The following CFAP74 variants were observed in gnomAD, a reference collection of about 807,000 sequenced individuals.
The protein encoded by CFAP74 is cilia and flagella associated protein 74, also known as cilia- and flagella-associated protein 74.
A neutral mutation model predicts 188.9 loss-of-function variants in CFAP74; 124 were observed. The ratio of observed to expected loss-of-function variants is 0.66; its 90% CI spans 0.57 to 0.76. The LOEUF is 0.76. Among genes scored for constraint, CFAP74 ranks in the 30% least tolerant of loss-of-function variants. The probability of loss-of-function intolerance (pLI) is 0.00; values close to 1 mark genes in which losing one functional copy is unlikely to be tolerated. For synonymous variants in CFAP74, 956 were observed against 916.7 expected (o/e 1.04, Z -0.77); for missense variants, 2,198 against 2,165.2 (o/e 1.02, Z -0.30).
chr1:1,927,446 G>A, intron 28 of CFAP74, 161 bp downstream of exon 28: 1 of 710,402 alleles, frequency 1.4e-6, no homozygotes, highest in Non-Finnish European at 2.3e-6. Flanking sequence ...TAGGTCCCAG[G>A]AAGGCAGCAC....
rs1653608619 is a variant in CFAP74, at chr1:1,944,411, G to T, written c.2406C>A (p.Val802=). ...GGTCCACGCTGGGCTTCGGCACCCA[G>T]ACCGGCACATCGATGGCCACGCCCA... ...RVVGVAIDVP[V]WVPKPSVDLK... is the part of the protein sequence containing the mutation. Residue 802 remains valine, a synonymous_variant, in exon 21 of 39, where the codon GTC becomes GTA. Transcript: ENST00000682832. 1.3e-6 allele frequency: 2 copies of T among 1,536,120 alleles called. No individual in the cohort carries two copies. Among genetic ancestry groups the T allele is most frequent in the South Asian group, 1.2e-5 (1 of 84,064 alleles).
At chr1:1,943,480 C>T (rs2102048670) in intron 21 of CFAP74, among the ~76,000 whole-genome samples, 1 of 152,366 alleles carries the variant, frequency 6.6e-6, no homozygotes. Flanking sequence ...GCCTCTGTGT[C>T]CGCACACCCT....
At chr1:1,955,128 AGGGCGTGCG>A in intron 18 of CFAP74, 2 of 1,197,830 alleles carry the variant, frequency 1.7e-6, no homozygotes, top group South Asian at 2.7e-5. Context: ...GCTGAGCTGC[AGGGCGTGCG>A]GAACGCGCAC....
At chr1:1,958,248 G>A (rs1387384307) in intron 16 of CFAP74, among the ~76,000 whole-genome samples, 1 of 152,348 alleles carries the variant, frequency 6.6e-6, no homozygotes, top group East Asian at 1.9e-4. Context: ...GACATAGCGC[G>A]CCTCTGCCCT....
rs959915842 is a variant in CFAP74, at chr1:1,946,878, C to T, written c.2241+112G>A. The T allele has an allele frequency of 2.0e-5, 17 of 836,512 alleles. No homozygotes were observed. The East Asian group carries it at 2.1e-4, about 10-fold the overall frequency. The allele number at this position is 836,512 out of a possible 1,614,324, so 51.8% of individuals were successfully genotyped here. Reference sequence around the variant, plus strand: ...AAAGTCTGGCCTGTCTCTGGTCAAACGCAAGGGCCACCTAGCAGTGAGGGC... The same window carrying T: ...AAAGTCTGGCCTGTCTCTGGTCAAATGCAAGGGCCACCTAGCAGTGAGGGC... On this transcript the variant is annotated intron_variant, in intron 19 of 38. Coordinates refer to ENST00000682832, the MANE Select transcript of CFAP74 (RefSeq NM_001304360.2).
In CFAP74 at chr1:1,970,779, T is replaced by G. The variant is rs773977492; in HGVS notation, c.926A>C (p.Lys309Thr). The stretch of plus-strand genomic sequence containing the variant: ...GACCCTCTGCTCCGCCAGCTCTGCC[T>G]TGGCACGGTCCCATGCTTGGAACTT... The part of the protein sequence containing the change: ...LRKFQAWDRA[K>T]AELAEQRVQA... The change falls in exon 10 of 39, where the codon AAG (lysine) becomes ACG (threonine). Residue 309 changes from lysine (K) to threonine (T), a missense_variant. Coordinates refer to ENST00000682832, the MANE Select transcript of CFAP74 (RefSeq NM_001304360.2). 9.9e-6 allele frequency: 16 copies of G among 1,614,044 alleles called. No homozygotes were observed. The East Asian group carries it at 3.3e-4, about 34-fold the overall frequency.
chr1:1,934,564 CGTGTGT>C (rs1652693994), intron 25 of CFAP74, among the ~76,000 whole-genome samples: 1 of 127,342 alleles, frequency 7.9e-6, no homozygotes. Flanking sequence ...TAGGTACACA[CGTGTGT>C]ACGTGGGTGT....
intron 6 of CFAP74, 134 bp from the exon 7 acceptor site, chr1:1,974,332 G>T: frequency 1.3e-6 from 1 of 777,260 alleles, no homozygotes; most frequent in East Asian, 3.1e-5. Context: ...TCCTCTAGGG[G>T]CCATCTCCGC....
chr1:1,993,509 C>G lies in CFAP74; in HGVS notation c.-19-2534G>C, dbSNP rs184797275. 1.6e-4 allele frequency among the ~76,000 whole-genome samples: 25 copies of G among 151,806 alleles called. No individual in the cohort carries two copies. In the East Asian group the frequency reaches 4.8e-3, roughly 29 times the overall value. On this transcript the variant is annotated intron_variant, in intron 1 of 38. Coordinates refer to ENST00000682832, the MANE Select transcript of CFAP74 (RefSeq NM_001304360.2). ...CCATGTTGCCCAGGCTGGTCTCAAA[C>G]TTTTGGGATCAAGTGATCCACCTGC...
rs745696461 is a variant in CFAP74, at chr1:1,922,996, A to T, written c.4672T>A (p.Ser1558Thr). ...AGTGCTGTGGGCACCTTCTTTGGAGATGGCTGGGTGGTCCGGATACAGCCC... is the reference window on the plus strand; with the variant it reads ...AGTGCTGTGGGCACCTTCTTTGGAGTTGGCTGGGTGGTCCGGATACAGCCC... The part of the protein sequence containing the change: ...QVGCIRTTQP[S>T]PKKTVEFSID... The change falls in exon 37 of 39, where the codon TCT becomes ACT. Residue 1558 changes from serine to threonine, a missense_variant. Coordinates refer to ENST00000682832, the MANE Select transcript of CFAP74 (RefSeq NM_001304360.2). 6.3e-7 allele frequency: 1 copy of T among 1,579,370 alleles called. No homozygotes were observed. Among genetic ancestry groups the T allele is most frequent in the Non-Finnish European group, 8.6e-7 (1 of 1,166,564 alleles).
At chr1:1,976,577 C>G (rs1656459671) in intron 6 of CFAP74, among the ~76,000 whole-genome samples, 1 of 152,152 alleles carries the variant, frequency 6.6e-6, no homozygotes, top group East Asian at 1.9e-4. Context: ...GAGTCTTGCT[C>G]TCTCCGCCAG....
chr1:2,003,189 A>G (rs576507048), intron 1 of CFAP74, among the ~76,000 whole-genome samples: 4 of 152,314 alleles, frequency 2.6e-5, no homozygotes, highest in Admixed American at 6.5e-5. Flanking sequence ...TATGCAGAGA[A>G]TATCAGTCCA....
intron 1 of CFAP74, among the ~76,000 whole-genome samples, chr1:1,993,149 C>G (rs551069024): frequency 7.0e-6 from 1 of 143,632 alleles, no homozygotes; most frequent in African/African-American, 2.6e-5. Flanking sequence ...TGCAGTGAGC[C>G]GAGATCACGC....
intron 6 of CFAP74, among the ~76,000 whole-genome samples, chr1:1,976,855 C>CA (rs1553231563): frequency 1.4e-5 from 2 of 147,020 alleles, no homozygotes; most frequent in Non-Finnish European, 3.0e-5. Context: ...AACCTCTTTT[C>CA]TTTTTTTTTT....
intron 6 of CFAP74, among the ~76,000 whole-genome samples, chr1:1,981,993 C>A (rs6694636): frequency 1.4e-5 from 2 of 143,256 alleles, no homozygotes; most frequent in African/African-American, 2.7e-5. Flanking sequence ...CGCAGGACAC[C>A]CAGCCGTGGA....
chr1:1,960,116 G>A (rs751849209), intron 14 of CFAP74, 86 bp from the exon 15 acceptor site: 65 of 1,116,914 alleles, frequency 5.8e-5, no homozygotes, highest in Non-Finnish European at 3.9e-6. Flanking sequence ...GTCAGGCTGG[G>A]CCTCCTGGCC....
intron 14 of CFAP74, among the ~76,000 whole-genome samples, chr1:1,961,714 A>G (rs977650655): frequency 6.6e-6 from 1 of 152,232 alleles, no homozygotes; most frequent in Non-Finnish European, 1.5e-5. Flanking sequence ...GGTGAAAAGT[A>G]AACACCAACC....
At chr1:1,955,276 T>TG (rs1654510883) in intron 18 of CFAP74, 2 of 1,294,230 alleles carry the variant, frequency 1.5e-6, no homozygotes, top group Non-Finnish European at 1.0e-6. Flanking sequence ...GCAGGAGGCA[T>TG]GGGGAGGGCA....
intron 6 of CFAP74, among the ~76,000 whole-genome samples, chr1:1,981,113 C>T (rs1656814200): frequency 6.6e-6 from 1 of 152,230 alleles, no homozygotes; most frequent in African/African-American, 2.4e-5. Flanking sequence ...TCGCACACAC[C>T]CGTGCTATTT....
Sources: allele counts gnomAD v4.1 joint callset (sites outside exome capture counted in the v4.1 genomes callset), GRCh38; gene constraint gnomAD v4.1.1; transcripts MANE v1.5; gene names NCBI Gene and HGNC (gene_info 2026-07-23, HGNC 2026-07-21).